Variants in ANXA8 observed in about 807,000 individuals in gnomAD.
ANXA8 encodes the protein VAC-beta.
A neutral mutation model predicts 26.8 loss-of-function variants in ANXA8; 9 were observed. The observed-to-expected ratio is 0.34, with a 90% confidence interval of 0.20 to 0.59. ANXA8 has a LOEUF of 0.59. Ranked by LOEUF, ANXA8 falls within the 20% of genes least tolerant of loss-of-function variation. ANXA8 has a pLI of 0.84. For synonymous variants in ANXA8, 39 were observed against 94.8 expected, an observed-to-expected ratio of 0.41 and a Z score of 3.42; for missense variants, 83 against 238.5, an observed-to-expected ratio of 0.35 and a Z score of 4.29.
At chr10:47,559,648 G>C in the ANXA8 span, among the ~76,000 whole-genome samples, 3 of 151,768 alleles carry the variant, frequency 2.0e-5, no homozygotes, top group Admixed American at 1.3e-4. Context: ...TTGTTTTTCA[G>C]ATTAACAGTT....
the ANXA8 span, among the ~76,000 whole-genome samples, chr10:47,939,868 T>TGCCCTCTGCAGGATGGGGTCCCC: frequency 7.1e-6 from 1 of 140,888 alleles, no homozygotes; most frequent in African/African-American, 2.7e-5. Flanking sequence ...CAGCGGTTCC[T>TGCCCTCTGCAGGATGGGGTCCCC]GCCCTCTGCA....
chr10:47,552,076 C>G, the ANXA8 span: 1 of 181,372 alleles, frequency 5.5e-6, no homozygotes, highest in Non-Finnish European at 1.1e-5. Context: ...GTTCACTGAA[C>G]AAGGGTAGAA....
the ANXA8 span, among the ~76,000 whole-genome samples, chr10:47,979,884 C>T: frequency 6.6e-6 from 1 of 152,022 alleles, no homozygotes; most frequent in Non-Finnish European, 1.5e-5. Flanking sequence ...GGAATACAAC[C>T]ACACAGATTC....
chr10:47,681,331 G>A, the ANXA8 span, among the ~76,000 whole-genome samples: 1 of 151,496 alleles, frequency 6.6e-6, no homozygotes, highest in Non-Finnish European at 1.5e-5. Context: ...TTTTCACAAA[G>A]GAATGTCAAG....
At chr10:47,664,503 G>A in the ANXA8 span, among the ~76,000 whole-genome samples, 7 of 151,548 alleles carry the variant, frequency 4.6e-5, no homozygotes, top group Non-Finnish European at 7.4e-5. Context: ...GGGAGGCGGA[G>A]GTTGCAATGA....
chr10:47,557,583 G>C, the ANXA8 span, among the ~76,000 whole-genome samples: 1 of 150,878 alleles, frequency 6.6e-6, no homozygotes, highest in Non-Finnish European at 1.5e-5. Context: ...TTGTTCTGAG[G>C]CCTTTTTGCT....
chr10:47,980,756 CA>C, the ANXA8 span, among the ~76,000 whole-genome samples: 1 of 149,346 alleles, frequency 6.7e-6, no homozygotes, highest in Non-Finnish European at 1.5e-5. Flanking sequence ...ACAGGAACTA[CA>C]AAAACTGAAT....
chr10:47,970,961 A>C, the ANXA8 span, among the ~76,000 whole-genome samples: 4 of 151,374 alleles, frequency 2.6e-5, no homozygotes, highest in Admixed American at 2.6e-4. Context: ...AGGAGTGGCC[A>C]GCAAGCAGGG....
At chr10:47,675,612 T>C in the ANXA8 span, among the ~76,000 whole-genome samples, 4 of 151,842 alleles carry the variant, frequency 2.6e-5, no homozygotes, top group Admixed American at 6.5e-5. Context: ...TCCCTTCTAG[T>C]GTCCTAACAG....
the ANXA8 span, among the ~76,000 whole-genome samples, chr10:47,618,471 T>C: frequency 8.8e-3 from 984 of 112,254 alleles, 306 homozygotes; most frequent in African/African-American, 0.032. Context: ...GCATCTTTTT[T>C]TTAATGTGGT....
At chr10:47,955,867 GACTTTTTTATATTAAT>G in the ANXA8 span, among the ~76,000 whole-genome samples, 4 of 140,208 alleles carry the variant, frequency 2.9e-5, no homozygotes, top group African/African-American at 1.2e-4. Context: ...TTAACTTTTT[GACTTTTTTATATTAAT>G]ACTTAGCTTA....
chr10:47,692,860 G>A, the ANXA8 span: 4 of 148,942 alleles, frequency 2.7e-5, no homozygotes, highest in African/African-American at 9.9e-5. Context: ...TCAGCCTCTT[G>A]AGTAGCTGAG....
the ANXA8 span, among the ~76,000 whole-genome samples, chr10:47,550,502 CT>C: frequency 6.9e-6 from 1 of 144,610 alleles, no homozygotes; most frequent in Admixed American, 7.0e-5. Context: ...GGAACTTATC[CT>C]TTTATGAAGT....
the ANXA8 span, among the ~76,000 whole-genome samples, chr10:47,721,824 C>CTTTAAATTATTA: frequency 8.4e-6 from 1 of 119,696 alleles, no homozygotes; most frequent in African/African-American, 3.4e-5. Context: ...GCCACCAAGC[C>CTTTAAATTATTA]CAGCCTAAAA....
intron 1 of ANXA8, among the ~76,000 whole-genome samples, chr10:47,483,159 A>T (rs1839897401): frequency 6.6e-6 from 1 of 151,306 alleles, no homozygotes; most frequent in Admixed American, 6.6e-5. Flanking sequence ...TCTGCTGGGG[A>T]TGGGCTGCCC....
At chr10:47,591,537 G>A in the ANXA8 span, among the ~76,000 whole-genome samples, 14 of 135,118 alleles carry the variant, frequency 1.0e-4, no homozygotes, top group South Asian at 6.7e-4. Context: ...TCCACCTCCC[G>A]GGTTCACGAC....
chr10:47,600,302 C>G, the ANXA8 span, among the ~76,000 whole-genome samples: 4 of 150,306 alleles, frequency 2.7e-5, no homozygotes, highest in Middle Eastern at 6.9e-3. Context: ...TGCGAAGCCC[C>G]GGGGTTCAGG....
the ANXA8 span, among the ~76,000 whole-genome samples, chr10:47,696,074 CT>C: frequency 6.6e-6 from 1 of 151,562 alleles, no homozygotes; most frequent in African/African-American, 2.4e-5. Context: ...CCTTCTGGTC[CT>C]AAAAAAAATT....
the ANXA8 span, among the ~76,000 whole-genome samples, chr10:47,947,570 G>A: frequency 6.6e-6 from 1 of 150,706 alleles, no homozygotes; most frequent in African/African-American, 2.5e-5. Context: ...GATCATGGGG[G>A]CAGATTTCCC....
Sources: allele counts gnomAD v4.1 joint callset (sites outside exome capture counted in the v4.1 genomes callset), GRCh38; gene constraint gnomAD v4.1.1; transcripts MANE v1.5; gene names NCBI Gene and HGNC (gene_info 2026-07-23, HGNC 2026-07-21).